Variants in C10orf71 observed in about 807,000 individuals in gnomAD.
The protein encoded by C10orf71 is cardiac-enriched FHL2-interacting protein.
For synonymous variants in C10orf71, 758 were observed against 726.3 expected, an observed-to-expected ratio of 1.04 and a Z score of -0.70; for missense variants, 1,869 against 1,804.5, an observed-to-expected ratio of 1.04 and a Z score of -0.65.
At position 49,325,225 on chromosome 10, in the gene C10orf71, T is replaced by C. The variant is rs527473220; in HGVS notation, c.2680T>C (p.Leu894=). The part of the protein sequence containing the change: ...SLSSGHKEEE[L]PRPEWGEDPG... ...CAGCAGTGGCCACAAAGAGGAGGAATTGCCAAGGCCAGAATGGGGTGAGGA... is the reference window on the plus strand; with the variant it reads ...CAGCAGTGGCCACAAAGAGGAGGAACTGCCAAGGCCAGAATGGGGTGAGGA... The change falls in exon 3 of 3, where the codon TTG becomes CTG. Residue 894 remains leucine (L), a synonymous_variant. Transcript: ENST00000374144. 825 of 1,551,942 alleles carry C rather than the reference T, an allele frequency of 5.3e-4. No individual in the cohort carries two copies. The highest frequency in any genetic ancestry group is 6.8e-4 in the Non-Finnish European group (783 of 1,147,042).
At chr10:49,305,009 G>C (rs1189017159) in intron 1 of C10orf71, among the ~76,000 whole-genome samples, 1 of 152,216 alleles carries the variant, frequency 6.6e-6, no homozygotes, top group Non-Finnish European at 1.5e-5. Context: ...AAGTCCTAAA[G>C]CTGTCTGATT....
intron 1 of C10orf71, among the ~76,000 whole-genome samples, chr10:49,303,780 G>C (rs1330890597): frequency 1.3e-5 from 2 of 152,218 alleles, no homozygotes; most frequent in African/African-American, 4.8e-5. Flanking sequence ...GGTTTTCCTT[G>C]CCATGAGGAA....
intron 1 of C10orf71, among the ~76,000 whole-genome samples, chr10:49,307,345 G>A (rs534276475): frequency 7.2e-5 from 11 of 152,356 alleles, no homozygotes; most frequent in South Asian, 4.1e-4. Context: ...AGAGAGTGTC[G>A]TGGAGCAGCT....
chr10:49,305,585 G>T (rs4838494), intron 1 of C10orf71, among the ~76,000 whole-genome samples: 8,126 of 152,148 alleles, frequency 0.053, 314 homozygotes, highest in East Asian at 0.21. Context: ...CAAATAAAAG[G>T]CCCCATGCTA....
Position 49,324,951 on chromosome 10 carries a change from A to G in C10orf71, c.2406A>G (p.Arg802=), listed in dbSNP as rs1849190870. The G allele has an allele frequency of 6.4e-6, 10 of 1,550,890 alleles. No homozygotes were observed. The highest frequency in any genetic ancestry group is 8.7e-6 in the Non-Finnish European group (10 of 1,146,488). Residue 802 remains arginine, a synonymous_variant, in exon 3 of 3, where the codon AGA becomes AGG. Coordinates refer to ENST00000374144, the MANE Select transcript of C10orf71 (RefSeq NM_001135196.2). ...GCAGCCAGGGGGAAGCATTGCAAAG[A>G]GAAAGGGAAAGTGTGTCTGGAGGAA... is the stretch of plus-strand genomic sequence containing the variant. The part of the protein sequence containing the change: ...ENRSQGEALQ[R]ERESVSGGRT...
Position 49,322,861 on chromosome 10 carries a change from G to C in C10orf71, c.316G>C (p.Val106Leu). Reference sequence around the variant, plus strand: ...CACCTTCCAACAGCTACCCAAGTACGTTCAGGGAGAGGAAAAGTACCCCAA... The same window carrying C: ...CACCTTCCAACAGCTACCCAAGTACCTTCAGGGAGAGGAAAAGTACCCCAA... ...AATFQQLPKY[V>L]QGEEKYPKTS... is the part of the protein sequence containing the mutation. The change falls in exon 3 of 3, where the codon GTT (valine) becomes CTT (leucine). Residue 106 changes from valine to leucine, a missense_variant. Coordinates refer to ENST00000374144, the MANE Select transcript of C10orf71 (RefSeq NM_001135196.2). 6.2e-7 allele frequency: 1 copy of C among 1,613,922 alleles called. No homozygotes were observed. Among genetic ancestry groups the C allele is most frequent in the Non-Finnish European group, 8.5e-7 (1 of 1,179,870 alleles).
chr10:49,303,579 T>C (rs4012230), intron 1 of C10orf71, among the ~76,000 whole-genome samples: 146,086 of 152,308 alleles, frequency 0.96, 70,364 homozygotes, highest in East Asian at 1. Context: ...TTCTGAAAAG[T>C]GTGAGGATGC....
At chr10:49,319,875 A>AAT (rs1849065850) in intron 2 of C10orf71, among the ~76,000 whole-genome samples, 2 of 152,162 alleles carry the variant, frequency 1.3e-5, no homozygotes, top group African/African-American at 4.8e-5. Flanking sequence ...ATGCTAGAGA[A>AAT]ATAAGCCAGT....
rs774008537 is a variant in C10orf71, at chr10:49,322,436, T to A, written c.-110T>A. The A allele has an allele frequency of 1.3e-5, 18 of 1,338,190 alleles. No homozygotes were observed. Among genetic ancestry groups the A allele is most frequent in the Non-Finnish European group, 1.7e-5 (17 of 1,007,972 alleles). 82.9% of individuals were successfully genotyped at this position (1,338,190 alleles called of 1,614,324 possible). On this transcript the variant is annotated 5_prime_UTR_variant, in exon 3 of 3. Transcript: ENST00000374144. ...AAAATCCCCACTTTGCAATTGCATC[T>A]GGTCAATGAGAGGCTCTAGTTTTGG...
At chr10:49,305,984 A>G (rs1364907773) in intron 1 of C10orf71, among the ~76,000 whole-genome samples, 1 of 152,266 alleles carries the variant, frequency 6.6e-6, no homozygotes, top group African/African-American at 2.4e-5. Context: ...TTTCCATGAT[A>G]CATATGTCTC....
rs1471059406 is a variant in C10orf71 at position 49,323,231 on chromosome 10, G to C, written c.686G>C (p.Cys229Ser). 9 of 1,613,800 alleles carry C rather than the reference G, an allele frequency of 5.6e-6. No individual in the cohort carries two copies. Among genetic ancestry groups the C allele is most frequent in the Non-Finnish European group, 7.6e-6 (9 of 1,179,878 alleles). ...TCCTCCAAGAATCCAGAAATGGCCT[G>C]TCACGGCTCCAGCAGCTTCCTCCCA... is the stretch of plus-strand genomic sequence containing the variant. The part of the protein sequence containing the change: ...QESSKNPEMA[C>S]HGSSSFLPAA... Residue 229 changes from cysteine to serine, a missense_variant, in exon 3 of 3, where the codon TGT becomes TCT. By Grantham distance (112) the Cys-to-Ser change is moderately radical. Transcript: ENST00000374144.
intron 2 of C10orf71, among the ~76,000 whole-genome samples, chr10:49,320,259 G>A (rs1240703421): frequency 6.6e-6 from 1 of 152,150 alleles, no homozygotes; most frequent in Non-Finnish European, 1.5e-5. Flanking sequence ...CTGGGGGAGG[G>A]GCCATAGCTA....
At position 49,326,420 on chromosome 10, in the gene C10orf71, T is replaced by C. The variant is rs1564694038; in HGVS notation, c.3875T>C (p.Leu1292Pro). Reference sequence around the variant, plus strand: ...GAGTACTTTGTCTTCGACTTGCCACTCCAGGTGAAAATCAAGACCTTCTAT... The same window carrying C: ...GAGTACTTTGTCTTCGACTTGCCACCCCAGGTGAAAATCAAGACCTTCTAT... ...SGEYFVFDLP[L>P]QVKIKTFYDP... The change falls in exon 3 of 3, where the codon CTC (leucine) becomes CCC (proline). Residue 1292 changes from leucine to proline, a missense_variant. Coordinates refer to ENST00000374144, the MANE Select transcript of C10orf71 (RefSeq NM_001135196.2). The C allele has an allele frequency of 1.5e-5, 23 of 1,550,376 alleles. No individual in the cohort carries two copies. Among genetic ancestry groups the C allele is most frequent in the Non-Finnish European group, 1.8e-5 (21 of 1,146,862 alleles).
At chr10:49,320,465 C>T (rs545316081) in intron 2 of C10orf71, among the ~76,000 whole-genome samples, 1 of 152,364 alleles carries the variant, frequency 6.6e-6, no homozygotes, top group Admixed American at 6.5e-5. Context: ...GAGGGGCAAT[C>T]AGCGAACAGA....
Position 49,322,579 on chromosome 10 carries a change from T to G in C10orf71, c.34T>G (p.Phe12Val). ...MQGNKKCTDAFSDSSSIGSVL... is the reference protein window; with the variant it reads ...MQGNKKCTDAVSDSSSIGSVL... ...AGGAAATAAGAAGTGCACAGACGCGTTCAGCGACTCCTCCAGCATCGGCAG... is the reference window on the plus strand; with the variant it reads ...AGGAAATAAGAAGTGCACAGACGCGGTCAGCGACTCCTCCAGCATCGGCAG... The change falls in exon 3 of 3, where the codon TTC becomes GTC. Residue 12 changes from phenylalanine (F) to valine (V), a missense_variant. Transcript: ENST00000374144. 6.2e-7 allele frequency: 1 copy of G among 1,612,232 alleles called. No individual in the cohort carries two copies. Among genetic ancestry groups the G allele is most frequent in the Non-Finnish European group, 8.5e-7 (1 of 1,179,058 alleles).
At chr10:49,320,925 C>T (rs1483881483) in intron 2 of C10orf71, among the ~76,000 whole-genome samples, 1 of 152,064 alleles carries the variant, frequency 6.6e-6, no homozygotes. Flanking sequence ...TACAAAAAGC[C>T]ACACATATTT....
chr10:49,312,436 G>T (rs1031256919), intron 1 of C10orf71, among the ~76,000 whole-genome samples: 2 of 152,234 alleles, frequency 1.3e-5, no homozygotes, highest in South Asian at 4.1e-4. Flanking sequence ...TGGAGGCAGA[G>T]GGCAAAGCCA....
chr10:49,312,260 CA>C (rs1848928249), intron 1 of C10orf71, among the ~76,000 whole-genome samples: 1 of 152,174 alleles, frequency 6.6e-6, no homozygotes, highest in African/African-American at 2.4e-5. Flanking sequence ...TCCAGGGGCT[CA>C]AATGGAGAGT....
At position 49,326,866 on chromosome 10, in the gene C10orf71, T is replaced by C. The variant is rs1849266109; in HGVS notation, c.*13T>C. On this transcript the variant is annotated 3_prime_UTR_variant, in exon 3 of 3. Transcript: ENST00000374144. ...AGGCATTTCTTGAGTTACTGCAGGC[T>C]GTCCCCCACCCCCAGATGAACCCAG... The C allele has an allele frequency of 6.6e-7, 1 of 1,511,756 alleles. No individual in the cohort carries two copies. Among genetic ancestry groups the C allele is most frequent in the Non-Finnish European group, 8.9e-7 (1 of 1,129,314 alleles). 93.6% of individuals were successfully genotyped at this position (1,511,756 alleles called of 1,614,324 possible). A position where few individuals can be genotyped will look rare whatever the true frequency, so the allele number is the denominator to read the frequency against.
Sources: gnomAD v4.1 joint callset for allele counts (sites outside exome capture counted in the v4.1 genomes callset) on GRCh38, gnomAD v4.1.1 for gene constraint, MANE v1.5 for transcripts, NCBI Gene and HGNC (gene_info 2026-07-23, HGNC 2026-07-21) for gene names.